The following NUP107 variants were observed in gnomAD, a reference collection of about 807,000 sequenced individuals.
NUP107 encodes nucleoporin 107, also known as nuclear pore complex protein Nup107.
NUP107 carries 101 observed loss-of-function variants against 141.0 expected under a neutral mutation model. The observed-to-expected ratio is 0.72, with a 90% CI of 0.61 to 0.84. The LOEUF (loss-of-function observed/expected upper bound fraction) is 0.84. NUP107 is among the 40% of genes least tolerant of loss of function. NUP107 has a pLI of 0.00. For missense variants in NUP107, 941 were observed against 1,102.7 expected, an observed-to-expected ratio of 0.85 and a Z score of 2.08; for synonymous variants, 319 against 363.9, an observed-to-expected ratio of 0.88 and a Z score of 1.41.
intron 23 of NUP107, 72 bp downstream of exon 23, chr12:68,732,811 C>CT: frequency 9.6e-7 from 1 of 1,047,106 alleles, no homozygotes. Flanking sequence ...TCCCAAGTAG[C>CT]TGGGACTACA....
At chr12:68,737,374 G>A (rs546294226) in intron 26 of NUP107, among the ~76,000 whole-genome samples, 3 of 152,014 alleles carry the variant, frequency 2.0e-5, no homozygotes, top group Admixed American at 2.0e-4. Flanking sequence ...AGACCAGCCT[G>A]GACAACATGG....
intron 14 of NUP107, 22 bp downstream of exon 14, chr12:68,719,676 G>A (rs2136030312): frequency 6.6e-7 from 1 of 1,520,210 alleles, no homozygotes; most frequent in Middle Eastern, 1.7e-4. Flanking sequence ...AAAATATTCA[G>A]TGATACTGTT....
chr12:68,725,198 A>G (rs914806659), intron 17 of NUP107, among the ~76,000 whole-genome samples: 3 of 152,248 alleles, frequency 2.0e-5, no homozygotes, highest in Non-Finnish European at 2.9e-5. Context: ...TTGACAACAA[A>G]AAATGAACTA....
At chr12:68,734,643 G>T (rs1415822386) in intron 24 of NUP107, 65 bp from the exon 25 acceptor site, 4 of 1,220,506 alleles carry the variant, frequency 3.3e-6, no homozygotes, top group Non-Finnish European at 4.6e-6. Context: ...TAAAAATGTT[G>T]GTGAAACGAT....
Position 68,690,660 on chromosome 12 carries a change from C to T in NUP107, c.217C>T (p.Gln73Ter), listed in dbSNP as rs1875738537. The change falls in exon 4 of 28, where the codon CAG (glutamine) becomes TAG (stop). Residue 73 changes from glutamine to a stop codon, truncating the protein, a stop_gained. Coordinates refer to ENST00000229179, the MANE Select transcript of NUP107 (RefSeq NM_020401.4). LOFTEE classifies it high-confidence loss of function. The stretch of plus-strand genomic sequence containing the variant: ...CCCAACAAGCCGAAGCTTACTAAGG[C>T]AGCCAGATATTTCCTGCATTCTTGG... ...FTPTSRSLLR[Q>*]PDISCILGTG... 1.2e-6 allele frequency: 2 copies of T among 1,614,022 alleles called. No homozygotes were observed. The highest frequency in any genetic ancestry group is 8.5e-7 in the Non-Finnish European group (1 of 1,179,996).
At chr12:68,733,045 G>A (rs564705666) in intron 23 of NUP107, among the ~76,000 whole-genome samples, 1 of 152,088 alleles carries the variant, frequency 6.6e-6, no homozygotes, top group African/African-American at 2.4e-5. Context: ...GGGGTGGGGG[G>A]TTGCTTTTTG....
At chr12:68,694,675 G>T (rs1875965017) in intron 5 of NUP107, among the ~76,000 whole-genome samples, 1 of 152,228 alleles carries the variant, frequency 6.6e-6, no homozygotes, top group African/African-American at 2.4e-5. Context: ...GCTGACGCGG[G>T]TGGATCACCT....
At chr12:68,702,835 T>G (rs1876399061) in intron 8 of NUP107, 51 bp downstream of exon 8, 1 of 1,100,580 alleles carries the variant, frequency 9.1e-7, no homozygotes, top group Non-Finnish European at 1.3e-6. Context: ...AATTAAAATG[T>G]TACTAATAGG....
intron 8 of NUP107, chr12:68,707,108 C>T (rs1317602260): frequency 2.5e-5 from 14 of 559,178 alleles, no homozygotes; most frequent in East Asian, 6.1e-5. Context: ...ACCCCTTCTG[C>T]GGCTGCCCCA....
At chr12:68,702,979 G>T (rs1178021712) in intron 8 of NUP107, among the ~76,000 whole-genome samples, 195 bp downstream of exon 8, 1 of 151,938 alleles carries the variant, frequency 6.6e-6, no homozygotes, top group Non-Finnish European at 1.5e-5. Context: ...GAGTAGCTGG[G>T]ATTACAGGCG....
intron 23 of NUP107, among the ~76,000 whole-genome samples, 199 bp from the exon 24 acceptor site, chr12:68,733,253 C>G (rs533719255): frequency 5.3e-5 from 8 of 152,196 alleles, no homozygotes; most frequent in Non-Finnish European, 8.8e-5. Context: ...TTTGATGTAT[C>G]CTTTTGTGAT....
chr12:68,730,997 T>G (rs1036044582), intron 20 of NUP107, 113 bp from the exon 21 acceptor site: 1 of 603,420 alleles, frequency 1.7e-6, no homozygotes, highest in Non-Finnish European at 2.7e-6. Context: ...AAAATTATTC[T>G]GTTTAGCAAC....
At chr12:68,690,418 T>A in intron 3 of NUP107, 1 of 599,692 alleles carries the variant, frequency 1.7e-6, no homozygotes, top group Non-Finnish European at 2.9e-6. Context: ...GTAAAATGTT[T>A]CCTGTTAGGC....
At chr12:68,732,570 T>G in intron 22 of NUP107, 67 bp from the exon 23 acceptor site, 1 of 898,726 alleles carries the variant, frequency 1.1e-6, no homozygotes, top group Non-Finnish European at 1.7e-6. Flanking sequence ...ATTCTACTAA[T>G]TTGTAGAATA....
intron 20 of NUP107, among the ~76,000 whole-genome samples, chr12:68,729,443 AT>A (rs1225835896): frequency 1.9e-4 from 28 of 145,018 alleles, no homozygotes; most frequent in East Asian, 4.0e-4. Flanking sequence ...TTTATTTTTT[AT>A]TTTTTTTTTT....
intron 1 of NUP107, 62 bp downstream of exon 1, chr12:68,687,135 A>G (rs1409468179): frequency 1.2e-6 from 2 of 1,607,656 alleles, no homozygotes; most frequent in Non-Finnish European, 1.7e-6. Flanking sequence ...TGGCGAAACG[A>G]AATAGGTGAA....
intron 10 of NUP107, among the ~76,000 whole-genome samples, chr12:68,713,027 A>G (rs913755408): frequency 1.3e-5 from 2 of 152,098 alleles, no homozygotes; most frequent in Non-Finnish European, 1.5e-5. Context: ...GAAAGCAATA[A>G]TCAGGCAAAA....
chr12:68,699,665 G>A (rs989039276), intron 6 of NUP107, among the ~76,000 whole-genome samples: 1 of 152,130 alleles, frequency 6.6e-6, no homozygotes, highest in South Asian at 2.1e-4. Context: ...ACATTACTTT[G>A]TGAATACTTA....
At position 68,724,128 on chromosome 12, in the gene NUP107, GACA is replaced by G. The variant is rs562172875; in HGVS notation, c.1507-1596_1507-1594del. ...AATTTGTTAAAGTAGCCAGATACAA[GACA>G]ACGTTTTTTTTTTAAAAGTCAAGTC... On this transcript the variant is annotated intron_variant, in intron 17 of 27. Transcript: ENST00000229179. Among the ~76,000 whole-genome samples, 1,030 of 151,920 alleles carry G rather than the reference GACA, an allele frequency of 6.8e-3. 8 individuals are homozygous for G. Among genetic ancestry groups the G allele is most frequent in the Non-Finnish European group, 0.011 (749 of 67,930 alleles).
Sources: gnomAD v4.1 joint callset for allele counts (sites outside exome capture counted in the v4.1 genomes callset) on GRCh38, gnomAD v4.1.1 for gene constraint, MANE v1.5 for transcripts, NCBI Gene and HGNC (gene_info 2026-07-23, HGNC 2026-07-21) for gene names.